Variants in UTS2B observed in about 807,000 individuals in gnomAD.
UTS2B encodes the protein urotensin 2B, also known as urotensin-2B.
UTS2B carries 21 observed loss-of-function variants against 19.2 expected under a neutral mutation model. The ratio of observed to expected loss-of-function variants is 1.09; its 90% CI spans 0.78 to 1.58. UTS2B has a LOEUF of 1.58. UTS2B is among the 40% of genes most tolerant of loss of function. The pLI is 0.00. For missense variants in UTS2B, 138 were observed against 130.3 expected (o/e 1.06, Z -0.29); for synonymous variants, 57 against 50.2 (o/e 1.14, Z -0.58).
intron 8 of UTS2B, among the ~76,000 whole-genome samples, chr3:191,271,308 C>T (rs959085864): frequency 1.3e-5 from 2 of 151,602 alleles, no homozygotes; most frequent in African/African-American, 4.8e-5. Context: ...ATGATTGCTT[C>T]CTTGCCTTTC....
intron 8 of UTS2B, among the ~76,000 whole-genome samples, chr3:191,270,941 C>T (rs570047769): frequency 6.6e-6 from 1 of 152,234 alleles, no homozygotes; most frequent in Non-Finnish European, 1.5e-5. Context: ...TGTGGTGGCT[C>T]ATGCCTGTAA....
chr3:191,293,711 G>A (rs1245301204), intron 4 of UTS2B, among the ~76,000 whole-genome samples: 1 of 151,876 alleles, frequency 6.6e-6, no homozygotes, highest in Non-Finnish European at 1.5e-5. Context: ...CATGGCAGCA[G>A]GAATTTTCAA....
chr3:191,316,535 G>A (rs1194232825), intron 2 of UTS2B, 96 bp from the exon 3 acceptor site: 2 of 150,848 alleles, frequency 1.3e-5, no homozygotes, highest in Non-Finnish European at 2.9e-5. Context: ...TCCCTTATCT[G>A]ACCCCACCTA....
In UTS2B at chr3:191,267,170, C is replaced by T. The variant is rs1296098425; in HGVS notation, c.*1246G>A. ...TGAGACAATATAACTTTCCAAGATG[C>T]TTTTCAAAATGTTTTAATTAATAGT... On this transcript the variant is annotated 3_prime_UTR_variant, in exon 9 of 9. Coordinates refer to ENST00000340524, the MANE Select transcript of UTS2B (RefSeq NM_198152.5). 2.0e-5 allele frequency: 3 copies of T among 152,146 alleles called. No individual in the cohort carries two copies. The highest frequency in any genetic ancestry group is 1.3e-4 in the Admixed American group (2 of 15,278). The allele number at this position is 152,146 out of a possible 1,614,324, so 9.4% of individuals were successfully genotyped here.
Position 191,281,648 on chromosome 3 carries a change from G to A in UTS2B, c.103+439C>T, listed in dbSNP as rs564102453. 2.3e-3 allele frequency among the ~76,000 whole-genome samples: 135 copies of A among 58,138 alleles called. 1 individual carries two copies. The highest frequency in any genetic ancestry group is 3.5e-3 in the Non-Finnish European group (65 of 18,436). The allele number at this position is 58,138 out of a possible 152,430, so 38.1% of individuals were successfully genotyped here. On this transcript the variant is annotated intron_variant, in intron 5 of 8. Transcript: ENST00000340524. The stretch of plus-strand genomic sequence containing the variant: ...TGCAAATACAAGTTTCTATCTTGAT[G>A]TATTTTTCATTGTTGTACTCTATTT...
At chr3:191,275,154 A>G (rs1716195519) in intron 8 of UTS2B, 98 bp downstream of exon 8, 1 of 867,474 alleles carries the variant, frequency 1.2e-6, no homozygotes, top group Non-Finnish European at 1.8e-6. Context: ...TCACCACCAT[A>G]AGATTAAGAA....
intron 4 of UTS2B, 28 bp downstream of exon 4, chr3:191,304,464 C>T (rs1359059900): frequency 6.6e-6 from 1 of 152,180 alleles, no homozygotes; most frequent in African/African-American, 2.4e-5. Flanking sequence ...GGCATTTTTC[C>T]TTTCCCAGGT....
chr3:191,304,060 C>T (rs1717071963), intron 4 of UTS2B, among the ~76,000 whole-genome samples: 1 of 152,046 alleles, frequency 6.6e-6, no homozygotes, highest in African/African-American at 2.4e-5. Context: ...ACCTCCGCCT[C>T]CTGGGCTCAA....
chr3:191,275,679 C>CA (rs1354978555), intron 7 of UTS2B, among the ~76,000 whole-genome samples: 2 of 134,274 alleles, frequency 1.5e-5, no homozygotes, highest in Admixed American at 7.6e-5. Flanking sequence ...GACTCCATCT[C>CA]AAAAAAACAA....
At chr3:191,329,960 G>C (rs563568334) in intron 1 of UTS2B, among the ~76,000 whole-genome samples, 2 of 139,584 alleles carry the variant, frequency 1.4e-5, no homozygotes, top group Admixed American at 7.3e-5. Context: ...GGGGGGGCTA[G>C]CAGCAGCCCC....
At chr3:191,324,862 A>G (rs913865803) in intron 2 of UTS2B, among the ~76,000 whole-genome samples, 4 of 152,126 alleles carry the variant, frequency 2.6e-5, no homozygotes, top group African/African-American at 4.8e-5. Flanking sequence ...CAGCCTGGCC[A>G]ACATGGTGAA....
At chr3:191,290,415 A>AC (rs1376832595) in intron 4 of UTS2B, among the ~76,000 whole-genome samples, 5 of 152,180 alleles carry the variant, frequency 3.3e-5, no homozygotes, top group Admixed American at 2.0e-4. Flanking sequence ...CACAAATAGT[A>AC]CCTCATTTAA....
At chr3:191,313,631 C>T (rs955771384) in intron 3 of UTS2B, among the ~76,000 whole-genome samples, 1 of 152,050 alleles carries the variant, frequency 6.6e-6, no homozygotes, top group Admixed American at 6.6e-5. Context: ...TGTCTGCTCA[C>T]CTGCACATAG....
At position 191,268,088 on chromosome 3, in the gene UTS2B, A is replaced by T. The variant is rs11717864; in HGVS notation, c.*328T>A. The T allele has an allele frequency of 0.25, 45,569 of 183,956 alleles. 6,392 individuals are homozygous for T. The highest frequency in any genetic ancestry group is 0.36 in the Middle Eastern group (167 of 458). The allele number at this position is 183,956 out of a possible 1,614,324, so 11.4% of individuals were successfully genotyped here. The stretch of plus-strand genomic sequence containing the variant: ...AGGCGCCTTCCATGCATCCGTTTAT[A>T]GGCTCTCCACGAGGGGCGCATTCCA... On this transcript the variant is annotated 3_prime_UTR_variant, in exon 9 of 9. Coordinates refer to ENST00000340524, the MANE Select transcript of UTS2B (RefSeq NM_198152.5).
intron 4 of UTS2B, among the ~76,000 whole-genome samples, chr3:191,286,729 A>G (rs1716554588): frequency 6.6e-6 from 1 of 152,100 alleles, no homozygotes. Context: ...ACGTAGACGA[A>G]GCCCAAAGTT....
intron 2 of UTS2B, among the ~76,000 whole-genome samples, chr3:191,318,809 GT>G (rs1232286038): frequency 6.6e-6 from 1 of 152,032 alleles, no homozygotes; most frequent in Non-Finnish European, 1.5e-5. Context: ...ATACATAGTT[GT>G]TTTTTGTTTT....
intron 8 of UTS2B, among the ~76,000 whole-genome samples, chr3:191,270,986 T>C (rs967761985): frequency 3.3e-5 from 5 of 151,996 alleles, no homozygotes; most frequent in African/African-American, 1.2e-4. Context: ...CTGGCAGACA[T>C]GAGGTCAGGA....
At chr3:191,311,433 C>G (rs996757619) in intron 3 of UTS2B, among the ~76,000 whole-genome samples, 1 of 152,212 alleles carries the variant, frequency 6.6e-6, no homozygotes, top group Non-Finnish European at 1.5e-5. Flanking sequence ...ATCTCTTTCT[C>G]TCTCTCTCCA....
chr3:191,314,732 G>T (rs1342853372), intron 3 of UTS2B, among the ~76,000 whole-genome samples: 1 of 152,156 alleles, frequency 6.6e-6, no homozygotes, highest in Admixed American at 6.5e-5. Flanking sequence ...GGGACTGAAG[G>T]TTAAGCTGAT....
Sources: allele counts gnomAD v4.1 joint callset (sites outside exome capture counted in the v4.1 genomes callset), GRCh38; gene constraint gnomAD v4.1.1; transcripts MANE v1.5; gene names NCBI Gene and HGNC (gene_info 2026-07-23, HGNC 2026-07-21).